APBA1: variants seen among roughly 807,000 people sequenced by gnomAD.
APBA1 encodes amyloid-beta A4 precursor protein-binding family A member 1.
Under a neutral mutation model 86.6 loss-of-function variants are expected in APBA1, and 55 were observed. The observed-to-expected ratio is 0.64, with a 90% CI of 0.51 to 0.80. The LOEUF (loss-of-function observed/expected upper bound fraction) is 0.80. APBA1 is among the 30% of genes least tolerant of loss of function. The probability of loss-of-function intolerance (pLI) is 0.00; values close to 1 mark genes in which losing one functional copy is unlikely to be tolerated. For missense variants in APBA1, 1,090 were observed against 1,183.0 expected, an observed-to-expected ratio of 0.92 and a Z score of 1.15; for synonymous variants, 511 against 493.9, an observed-to-expected ratio of 1.03 and a Z score of -0.46.
At chr9:69,504,478 T>C (rs936327080) in intron 2 of APBA1, among the ~76,000 whole-genome samples, 9 of 152,240 alleles carry the variant, frequency 5.9e-5, no homozygotes, top group African/African-American at 2.2e-4. Flanking sequence ...TGTTCACTCA[T>C]ATTTAAGAGT....
intron 3 of APBA1, chr9:69,474,437 G>A (rs545665419): frequency 2.0e-5 from 3 of 152,366 alleles, no homozygotes; most frequent in South Asian, 4.1e-4. Context: ...AGAATTAAAT[G>A]AGACACTATC....
At chr9:69,657,863 A>C (rs1430975230) in intron 1 of APBA1, among the ~76,000 whole-genome samples, 2 of 152,266 alleles carry the variant, frequency 1.3e-5, no homozygotes, top group East Asian at 1.9e-4. Context: ...TTCCTCTTAA[A>C]GAGTATAAAG....
intron 5 of APBA1, among the ~76,000 whole-genome samples, chr9:69,458,797 T>C (rs953501465): frequency 5.4e-5 from 8 of 149,246 alleles, no homozygotes; most frequent in African/African-American, 2.0e-4. Flanking sequence ...TTTCTAGTTA[T>C]CTTTTCTTTT....
At position 69,477,022 on chromosome 9, in the gene APBA1, A is replaced by G. The variant is rs192782560; in HGVS notation, c.1201-879T>C. Reference sequence around the variant, plus strand: ...GAAAACACTCCCCAGCCTATAGCCAAACATTGTTGTGTGCTTCTGAAATCT... The same window carrying G: ...GAAAACACTCCCCAGCCTATAGCCAGACATTGTTGTGTGCTTCTGAAATCT... On this transcript the variant is annotated intron_variant, in intron 2 of 12. Transcript: ENST00000265381. Among the ~76,000 whole-genome samples the G allele has an allele frequency of 4.5e-4, 69 of 152,342 alleles. No homozygotes were observed. In the East Asian group the frequency reaches 0.013, roughly 29 times the overall value.
intron 1 of APBA1, among the ~76,000 whole-genome samples, chr9:69,567,141 A>C (rs989717850): frequency 6.6e-6 from 1 of 152,196 alleles, no homozygotes; most frequent in Non-Finnish European, 1.5e-5. Context: ...TCATTCAACA[A>C]GTATTTGTTG....
rs185159954 is a variant in APBA1, at chr9:69,653,251, G to A, written c.-70+18902C>T. Among the ~76,000 whole-genome samples, 5 of 152,272 alleles carry A rather than the reference G, an allele frequency of 3.3e-5. No individual in the cohort carries two copies. In the East Asian group the frequency reaches 9.6e-4, roughly 29 times the overall value. ...AATGATAAAGTGGCCAGTACAGCAA[G>A]AGGATATAACAATTCTAAATATATA... On this transcript the variant is annotated intron_variant, in intron 1 of 12. Coordinates refer to ENST00000265381, the MANE Select transcript of APBA1 (RefSeq NM_001163.4).
At chr9:69,591,954 A>G (rs1452330809) in intron 1 of APBA1, among the ~76,000 whole-genome samples, 1 of 152,210 alleles carries the variant, frequency 6.6e-6, no homozygotes, top group Non-Finnish European at 1.5e-5. Flanking sequence ...TTTCTCCCCT[A>G]AATATATCTA....
At chr9:69,659,186 A>C (rs1050218581) in intron 1 of APBA1, among the ~76,000 whole-genome samples, 1 of 152,168 alleles carries the variant, frequency 6.6e-6, no homozygotes. Flanking sequence ...TCACAGTCCT[A>C]CATATGAAAA....
At chr9:69,609,478 C>T (rs1420703239) in intron 1 of APBA1, among the ~76,000 whole-genome samples, 1 of 152,200 alleles carries the variant, frequency 6.6e-6, no homozygotes, top group African/African-American at 2.4e-5. Flanking sequence ...AATTCTCTTA[C>T]ATTTCCTTTA....
At chr9:69,435,402 G>C (rs1250790739) in intron 11 of APBA1, among the ~76,000 whole-genome samples, 6 of 151,998 alleles carry the variant, frequency 3.9e-5, no homozygotes, top group African/African-American at 1.2e-4. Flanking sequence ...CTAGTTTACA[G>C]TCCCACCAAC....
intron 1 of APBA1, among the ~76,000 whole-genome samples, chr9:69,664,903 C>T (rs572395273): frequency 2.0e-5 from 3 of 152,306 alleles, no homozygotes; most frequent in African/African-American, 4.8e-5. Flanking sequence ...AAATAACTGC[C>T]ATCAAACCAA....
At chr9:69,626,434 A>G (rs899579363) in intron 1 of APBA1, among the ~76,000 whole-genome samples, 4 of 152,212 alleles carry the variant, frequency 2.6e-5, no homozygotes, top group Non-Finnish European at 4.4e-5. Flanking sequence ...AATCCATTAA[A>G]TAAAATTCAA....
At chr9:69,622,926 C>A (rs556400812) in intron 1 of APBA1, among the ~76,000 whole-genome samples, 94 of 152,308 alleles carry the variant, frequency 6.2e-4, no homozygotes, top group African/African-American at 2.1e-3. Flanking sequence ...ATAGAAACAG[C>A]ATGCATTGTC....
chr9:69,475,964 T>A, intron 3 of APBA1, 84 bp downstream of exon 3: 2 of 1,101,304 alleles, frequency 1.8e-6, no homozygotes, highest in Non-Finnish European at 2.8e-6. Flanking sequence ...AGGAGCGCTG[T>A]AGGATGCTGT....
chr9:69,476,240 A>C (rs1003467591), intron 2 of APBA1, 97 bp from the exon 3 acceptor site: 26 of 813,570 alleles, frequency 3.2e-5, no homozygotes, highest in Middle Eastern at 3.6e-4. Context: ...AAAGCAGAAC[A>C]CAATCGAACA....
chr9:69,622,097 A>G (rs568405701), intron 1 of APBA1, among the ~76,000 whole-genome samples: 6 of 152,338 alleles, frequency 3.9e-5, no homozygotes, highest in African/African-American at 1.2e-4. Context: ...CAGACTCTGA[A>G]ATTATCTCAA....
At chr9:69,476,810 A>G (rs1588307668) in intron 2 of APBA1, among the ~76,000 whole-genome samples, 1 of 152,216 alleles carries the variant, frequency 6.6e-6, no homozygotes, top group African/African-American at 2.4e-5. Flanking sequence ...AGGCTCAGGG[A>G]GAATGGCCTG....
chr9:69,534,875 T>G lies in APBA1; in HGVS notation c.-69-17596A>C, dbSNP rs111672354. Among the ~76,000 whole-genome samples the G allele has an allele frequency of 4.0e-3, 609 of 152,308 alleles. 8 individuals carry two copies. Among genetic ancestry groups the G allele is most frequent in the African/African-American group, 0.014 (577 of 41,566 alleles). On this transcript the variant is annotated intron_variant, in intron 1 of 12. Coordinates refer to ENST00000265381, the MANE Select transcript of APBA1 (RefSeq NM_001163.4). ...GTGAAAGATGAGGATATAGCTCACTTAATTTCTCCTTTTCTCTCCCAATGT... is the reference window on the plus strand; with the variant it reads ...GTGAAAGATGAGGATATAGCTCACTGAATTTCTCCTTTTCTCTCCCAATGT...
At chr9:69,574,180 T>C (rs972742548) in intron 1 of APBA1, among the ~76,000 whole-genome samples, 2 of 152,220 alleles carry the variant, frequency 1.3e-5, no homozygotes, top group African/African-American at 4.8e-5. Flanking sequence ...CTTCAAAACA[T>C]GGTGCATCCC....
Sources: allele counts gnomAD v4.1 joint callset (sites outside exome capture counted in the v4.1 genomes callset), GRCh38; gene constraint gnomAD v4.1.1; transcripts MANE v1.5; gene names NCBI Gene and HGNC (gene_info 2026-07-23, HGNC 2026-07-21).